ZNF560: variants seen among roughly 807,000 people sequenced by gnomAD.
The protein encoded by ZNF560 is zinc finger protein 560.
In ZNF560, 54 loss-of-function variants were observed where a neutral mutation model predicts 81.8. The ratio of observed to expected loss-of-function variants is 0.66; its 90% CI spans 0.53 to 0.83. ZNF560 has a LOEUF of 0.83. ZNF560 is among the 40% of genes least tolerant of loss of function. The pLI, the probability that ZNF560 is intolerant of heterozygous loss-of-function variation, is 0.00. For missense variants in ZNF560, 940 were observed against 932.4 expected (o/e 1.01, Z -0.11); for synonymous variants, 321 against 317.9 (o/e 1.01, Z -0.10).
intron 2 of ZNF560, among the ~76,000 whole-genome samples, chr19:9,485,509 G>GAAA (rs36106807): frequency 3.1e-5 from 4 of 127,382 alleles, no homozygotes; most frequent in Non-Finnish European, 6.5e-5. Context: ...TACATCTCAA[G>GAAA]AAAAAAAAAA....
chr19:9,471,153 T>C (rs1167462543), intron 6 of ZNF560, 143 bp downstream of exon 6: 9 of 539,078 alleles, frequency 1.7e-5, no homozygotes, highest in Non-Finnish European at 2.5e-5. Flanking sequence ...AAATTCATCA[T>C]TATCAGAGCA....
At chr19:9,497,034 T>TG (rs1272127674) in intron 2 of ZNF560, among the ~76,000 whole-genome samples, 1 of 151,750 alleles carries the variant, frequency 6.6e-6, no homozygotes, top group Admixed American at 6.6e-5. Flanking sequence ...AACACAAAGT[T>TG]GGGCGTGGTA....
At chr19:9,470,739 T>G (rs2073108413) in intron 6 of ZNF560, among the ~76,000 whole-genome samples, 1 of 152,216 alleles carries the variant, frequency 6.6e-6, no homozygotes, top group Non-Finnish European at 1.5e-5. Flanking sequence ...CAGAAACTTA[T>G]CAACCACAAC....
At chr19:9,485,905 A>T (rs1338769229) in intron 2 of ZNF560, among the ~76,000 whole-genome samples, 1 of 152,012 alleles carries the variant, frequency 6.6e-6, no homozygotes, top group Non-Finnish European at 1.5e-5. Flanking sequence ...GGGATCAAGT[A>T]CTCCTTCCAT....
At chr19:9,475,672 T>A (rs553288792) in intron 2 of ZNF560, among the ~76,000 whole-genome samples, 43 of 151,138 alleles carry the variant, frequency 2.8e-4, no homozygotes, top group Admixed American at 2.6e-3. Flanking sequence ...AGTGGCACGA[T>A]CTCGGCTCAC....
chr19:9,469,670 C>T lies in ZNF560; in HGVS notation c.489G>A (p.Glu163=), dbSNP rs752013257. The T allele has an allele frequency of 6.2e-7, 1 of 1,614,178 alleles. No homozygotes were observed. Among genetic ancestry groups the T allele is most frequent in the East Asian group, 2.2e-5 (1 of 44,868 alleles). ...GCAGTGTGCTCAACTCTTCCTCTTCCTCCAGCCAAGAGATCAGACTGGGTT... is the reference window on the plus strand; with the variant it reads ...GCAGTGTGCTCAACTCTTCCTCTTCTTCCAGCCAAGAGATCAGACTGGGTT... The part of the protein sequence containing the change: ...LFKPSLISWL[E]EEEELSTLPR... The change falls in exon 8 of 10, where the codon GAG becomes GAA. Residue 163 remains glutamate (E), a synonymous_variant. Coordinates refer to ENST00000301480, the MANE Select transcript of ZNF560 (RefSeq NM_152476.3).
intron 2 of ZNF560, among the ~76,000 whole-genome samples, chr19:9,477,450 T>C (rs1321353834): frequency 6.6e-6 from 1 of 152,200 alleles, no homozygotes; most frequent in African/African-American, 2.4e-5. Flanking sequence ...TTACTTAAAA[T>C]GTGCTATTCT....
upstream of ZNF560, among the ~76,000 whole-genome samples, chr19:9,499,942 C>T (rs145300176): frequency 8.4e-3 from 1,280 of 152,198 alleles, 51 homozygotes; most frequent in Admixed American, 0.074. Flanking sequence ...TGCAACTTTA[C>T]GGAATTTATT....
At chr19:9,464,660 CA>C (rs1568447497), downstream of ZNF560, among the ~76,000 whole-genome samples, 1 of 150,830 alleles carries the variant, frequency 6.6e-6, no homozygotes, top group African/African-American at 2.4e-5. Flanking sequence ...TATGACAAAC[CA>C]AAAAGAGAAT....
intron 4 of ZNF560, 88 bp downstream of exon 4, chr19:9,474,111 A>C (rs1362923614): frequency 1.4e-6 from 2 of 1,440,464 alleles, no homozygotes; most frequent in African/African-American, 1.4e-5. Context: ...TGGTGAATTC[A>C]GTGTTGAACA....
At chr19:9,500,251 G>A (rs970313964), upstream of ZNF560, among the ~76,000 whole-genome samples, 5 of 151,872 alleles carry the variant, frequency 3.3e-5, no homozygotes, top group Non-Finnish European at 5.9e-5. Flanking sequence ...CAGGCGTGGT[G>A]GTTGGCACCT....
chr19:9,466,429 T>G lies in ZNF560; in HGVS notation c.*145A>C, dbSNP rs1458643584. 2.8e-6 allele frequency: 2 copies of G among 708,028 alleles called. No individual in the cohort carries two copies. The highest frequency in any genetic ancestry group is 2.0e-5 in the South Asian group (1 of 49,570). 43.9% of individuals were successfully genotyped at this position (708,028 alleles called of 1,614,324 possible). The stretch of plus-strand genomic sequence containing the variant: ...TTTCTCTACAGTGTGAGTTTGTACA[T>G]ATCTAGAAAGATTCAACTGTTCAGG... On this transcript the variant is annotated 3_prime_UTR_variant, in exon 10 of 10. Coordinates refer to ENST00000301480, the MANE Select transcript of ZNF560 (RefSeq NM_152476.3).
chr19:9,497,895 T>G (rs1023731211), intron 2 of ZNF560, among the ~76,000 whole-genome samples: 11 of 152,110 alleles, frequency 7.2e-5, no homozygotes, highest in African/African-American at 2.7e-4. Context: ...AATGGCTGAG[T>G]ATTCTTAGGT....
intron 2 of ZNF560, among the ~76,000 whole-genome samples, chr19:9,483,575 G>T (rs539301382): frequency 7.1e-6 from 1 of 140,084 alleles, no homozygotes; most frequent in Non-Finnish European, 1.6e-5. Flanking sequence ...CCGTCCGGGA[G>T]GGGGGTGGGG....
At chr19:9,450,891 C>CA in the ZNF560 span, among the ~76,000 whole-genome samples, 1 of 152,076 alleles carries the variant, frequency 6.6e-6, no homozygotes, top group Non-Finnish European at 1.5e-5. Context: ...ATCTCATTTA[C>CA]AATAACCACA....
chr19:9,493,411 C>A (rs2073503478), intron 2 of ZNF560, among the ~76,000 whole-genome samples: 1 of 152,232 alleles, frequency 6.6e-6, no homozygotes, highest in Admixed American at 6.5e-5. Flanking sequence ...GTTGCCCAGG[C>A]AGGAGTGCAG....
chr19:9,462,552 T>A (rs1342142525), downstream of ZNF560, among the ~76,000 whole-genome samples: 1 of 152,198 alleles, frequency 6.6e-6, no homozygotes. Context: ...TCTTTATTCC[T>A]CTAGTGCTGC....
rs2073148847 is a variant in ZNF560 at position 9,473,174 on chromosome 19, C to T, written c.238+5G>A. The T allele has an allele frequency of 1.2e-6, 2 of 1,612,548 alleles. No individual in the cohort carries two copies. Among genetic ancestry groups the T allele is most frequent in the East Asian group, 2.2e-5 (1 of 44,866 alleles). The stretch of plus-strand genomic sequence containing the variant: ...TGACCAAGGTTGTTCTTCACAAATA[C>T]TCACCTTGGAGAACTCCTTGCTGCA... On this transcript the variant is annotated splice_donor_5th_base_variant and intron_variant, in intron 5 of 9. Transcript: ENST00000301480.
At chr19:9,457,884 A>C in the ZNF560 span, among the ~76,000 whole-genome samples, 2 of 152,212 alleles carry the variant, frequency 1.3e-5, no homozygotes, top group South Asian at 4.1e-4. Flanking sequence ...TAACAAAAGA[A>C]GCTGAGGCAG....
Sources: gnomAD v4.1 joint callset for allele counts (sites outside exome capture counted in the v4.1 genomes callset) on GRCh38, gnomAD v4.1.1 for gene constraint, MANE v1.5 for transcripts, NCBI Gene and HGNC (gene_info 2026-07-23, HGNC 2026-07-21) for gene names.